Variants in MYO16 observed in about 807,000 individuals in gnomAD.
MYO16 encodes myosin XVI, also known as unconventional myosin-XVI.
A neutral mutation model predicts 205.3 loss-of-function variants in MYO16; 94 were observed. The observed-to-expected ratio is 0.46, with a 90% CI of 0.39 to 0.54. The LOEUF is 0.54. Among genes scored for constraint, MYO16 ranks in the 20% least tolerant of loss-of-function variants. MYO16 has a pLI of 0.00. For synonymous variants in MYO16, 988 were observed against 954.0 expected (o/e 1.04, Z -0.66); for missense variants, 2,315 against 2,387.5 (o/e 0.97, Z 0.63).
intron 33 of MYO16, 69 bp downstream of exon 33, chr13:109,165,128 T>C (rs745613340): frequency 2.9e-5 from 35 of 1,226,682 alleles, no homozygotes; most frequent in South Asian, 2.6e-4. Context: ...CTGGGAGGAA[T>C]GGATTTAAAA....
At chr13:108,744,689 A>G (rs907446994) in intron 4 of MYO16, among the ~76,000 whole-genome samples, 2 of 152,182 alleles carry the variant, frequency 1.3e-5, no homozygotes, top group Non-Finnish European at 1.5e-5. Context: ...ATCTTACTTC[A>G]TATATCTCAC....
chr13:108,668,320 G>T (rs912724635), intron 2 of MYO16, among the ~76,000 whole-genome samples: 5 of 152,182 alleles, frequency 3.3e-5, no homozygotes, highest in Non-Finnish European at 7.3e-5. Flanking sequence ...GACCCAAGCG[G>T]AGCTAGGGTG....
intron 16 of MYO16, among the ~76,000 whole-genome samples, chr13:108,957,158 G>C (rs1432435425): frequency 6.6e-6 from 1 of 152,024 alleles, no homozygotes; most frequent in Non-Finnish European, 1.5e-5. Flanking sequence ...GGCCGAGGTG[G>C]GTGGATCACA....
At chr13:108,745,182 G>A (rs912521336) in intron 4 of MYO16, among the ~76,000 whole-genome samples, 3 of 152,178 alleles carry the variant, frequency 2.0e-5, no homozygotes, top group African/African-American at 7.2e-5. Flanking sequence ...AATCTGAGGG[G>A]ATGAAGATGG....
chr13:109,117,362 TATG>T (rs760870180), intron 28 of MYO16, among the ~76,000 whole-genome samples: 8,386 of 149,596 alleles, frequency 0.056, 428 homozygotes, highest in African/African-American at 0.14. Context: ...ATATATATAA[TATG>T]CAAATATATA....
At chr13:108,954,658 C>G (rs1457384842) in intron 16 of MYO16, among the ~76,000 whole-genome samples, 1 of 152,138 alleles carries the variant, frequency 6.6e-6, no homozygotes, top group Non-Finnish European at 1.5e-5. Context: ...GGGAGGGTCA[C>G]TTGTGCCTGG....
At chr13:108,576,516 A>G in the MYO16 span, among the ~76,000 whole-genome samples, 1 of 152,228 alleles carries the variant, frequency 6.6e-6, no homozygotes, top group Non-Finnish European at 1.5e-5. Flanking sequence ...ATTGTTATTT[A>G]TTCGACACAC....
chr13:108,945,875 A>G (rs1053245871), intron 16 of MYO16, among the ~76,000 whole-genome samples: 1 of 152,148 alleles, frequency 6.6e-6, no homozygotes, highest in Non-Finnish European at 1.5e-5. Flanking sequence ...TAAAATCTCA[A>G]TTTTAATGAA....
chr13:108,999,781 A>ATAACAAGC (rs1158943063), intron 21 of MYO16, among the ~76,000 whole-genome samples: 1 of 152,208 alleles, frequency 6.6e-6, no homozygotes, highest in Non-Finnish European at 1.5e-5. Flanking sequence ...TTCAGGTTTA[A>ATAACAAGC]TAACAAGCTA....
At chr13:109,020,376 C>A (rs191950436) in intron 23 of MYO16, among the ~76,000 whole-genome samples, 1 of 152,274 alleles carries the variant, frequency 6.6e-6, no homozygotes, top group East Asian at 1.9e-4. Context: ...ATGCTTCTTA[C>A]TTCAACACCT....
the MYO16 span, among the ~76,000 whole-genome samples, chr13:108,521,034 T>C: frequency 0.34 from 50,974 of 152,058 alleles, 10,599 homozygotes; most frequent in African/African-American, 0.59. Context: ...GCTCTTCTTC[T>C]GTCACTTCCT....
chr13:108,538,296 A>C, the MYO16 span, among the ~76,000 whole-genome samples: 1 of 152,134 alleles, frequency 6.6e-6, no homozygotes, highest in African/African-American at 2.4e-5. Flanking sequence ...AACTGTGCAG[A>C]TAGGAGAAGT....
At chr13:108,728,392 C>T (rs1331444658) in intron 4 of MYO16, among the ~76,000 whole-genome samples, 1 of 151,832 alleles carries the variant, frequency 6.6e-6, no homozygotes, top group Non-Finnish European at 1.5e-5. Flanking sequence ...CATTTTTTGT[C>T]ACTGAGCCGT....
chr13:109,174,862 C>T (rs1300863913), intron 33 of MYO16, among the ~76,000 whole-genome samples: 1 of 147,592 alleles, frequency 6.8e-6, no homozygotes, highest in Non-Finnish European at 1.5e-5. Flanking sequence ...AGTGATTCTT[C>T]AGCCTCAGCC....
chr13:108,546,901 A>T, the MYO16 span, among the ~76,000 whole-genome samples: 1 of 152,192 alleles, frequency 6.6e-6, no homozygotes, highest in Non-Finnish European at 1.5e-5. Flanking sequence ...GGTGAATGGT[A>T]ACCATTATCC....
the MYO16 span, among the ~76,000 whole-genome samples, chr13:108,569,664 G>C: frequency 2.0e-5 from 3 of 151,996 alleles, no homozygotes; most frequent in Non-Finnish European, 2.9e-5. Flanking sequence ...CGTCCTGGCT[G>C]GAAACGCCCT....
chr13:109,198,231 T>C (rs1464669216), intron 34 of MYO16, among the ~76,000 whole-genome samples: 1 of 152,190 alleles, frequency 6.6e-6, no homozygotes, highest in African/African-American at 2.4e-5. Context: ...TTCAAGATGA[T>C]ACAAAGTACA....
At chr13:109,064,025 A>G (rs1887667244) in intron 27 of MYO16, among the ~76,000 whole-genome samples, 1 of 152,194 alleles carries the variant, frequency 6.6e-6, no homozygotes, top group African/African-American at 2.4e-5. Flanking sequence ...TCATGCTGGA[A>G]ATATCCATGT....
intron 1 of MYO16, among the ~76,000 whole-genome samples, chr13:108,605,068 C>T (rs1394634913): frequency 6.6e-6 from 1 of 152,174 alleles, no homozygotes; most frequent in Non-Finnish European, 1.5e-5. Flanking sequence ...TCGGTAGTGG[C>T]AATGGGTTCT....
Sources: gnomAD v4.1 joint callset for allele counts (sites outside exome capture counted in the v4.1 genomes callset) on GRCh38, gnomAD v4.1.1 for gene constraint, MANE v1.5 for transcripts, NCBI Gene and HGNC (gene_info 2026-07-23, HGNC 2026-07-21) for gene names.